Variants in YY1 observed in about 807,000 individuals in gnomAD.
YY1 encodes the protein transcriptional repressor protein YY1.
YY1 carries 2 observed loss-of-function variants against 35.6 expected under a neutral mutation model. That is an observed-to-expected ratio of 0.06 (90% CI 0.02 to 0.18). The LOEUF is 0.18. YY1 is among the 10% of genes least tolerant of loss of function. YY1 has a pLI of 1.00. For missense variants in YY1, 322 were observed against 573.4 expected (o/e 0.56, Z 4.48); for synonymous variants, 268 against 238.9 (o/e 1.12, Z -1.12).
intron 1 of YY1, among the ~76,000 whole-genome samples, chr14:100,251,837 A>G (rs922273325): frequency 6.6e-6 from 1 of 151,308 alleles, no homozygotes; most frequent in Non-Finnish European, 1.5e-5. Flanking sequence ...TTTGTTGCTC[A>G]GGCTGGTCTC....
chr14:100,259,978 A>G (rs1891057748), intron 1 of YY1, among the ~76,000 whole-genome samples: 1 of 152,194 alleles, frequency 6.6e-6, no homozygotes, highest in African/African-American at 2.4e-5. Flanking sequence ...ACTAGAGAAA[A>G]TAATTGTGAA....
At chr14:100,259,812 TAGA>T (rs975024685) in intron 1 of YY1, among the ~76,000 whole-genome samples, 2 of 151,898 alleles carry the variant, frequency 1.3e-5, no homozygotes, top group African/African-American at 4.8e-5. Flanking sequence ...AAAGGAGAAA[TAGA>T]AGGTAAGACC....
At chr14:100,264,739 G>T (rs1340699633) in intron 2 of YY1, among the ~76,000 whole-genome samples, 10 of 152,168 alleles carry the variant, frequency 6.6e-5, no homozygotes, top group African/African-American at 2.4e-4. Flanking sequence ...AAATGAGAGA[G>T]GTCAGTTGAA....
Position 100,239,660 on chromosome 14 carries a change from C to CCGG in YY1, c.422_424dup (p.Gly141dup), listed in dbSNP as rs1566765873. 2.5e-6 allele frequency: 4 copies of CCGG among 1,609,480 alleles called. No individual in the cohort carries two copies. Among genetic ancestry groups the CCGG allele is most frequent in the Admixed American group, 3.3e-5 (2 of 59,972 alleles). ...ATTCTCATCCCGGTGCCCGCGCCGG[C>CCGG]CGGCGGCGACGACGACTACATTGAA... is the stretch of plus-strand genomic sequence containing the variant. On this transcript the variant is annotated inframe_insertion, in exon 1 of 5. Transcript: ENST00000262238.
chr14:100,270,649 G>C (rs948778152), intron 2 of YY1, among the ~76,000 whole-genome samples: 1 of 150,582 alleles, frequency 6.6e-6, no homozygotes, highest in African/African-American at 2.5e-5. Flanking sequence ...GAAAATGTAT[G>C]AGAGAGGACC....
chr14:100,250,363 T>C (rs1425070140), intron 1 of YY1, among the ~76,000 whole-genome samples: 2 of 152,172 alleles, frequency 1.3e-5, no homozygotes, highest in Non-Finnish European at 2.9e-5. Flanking sequence ...GGTGACTCTT[T>C]TTTGTCTTTT....
intron 1 of YY1, among the ~76,000 whole-genome samples, chr14:100,240,130 C>T (rs1433786793): frequency 2.1e-5 from 3 of 145,934 alleles, no homozygotes; most frequent in East Asian, 2.0e-4. Flanking sequence ...GGGGAGGGGC[C>T]GGCGCCGCCC....
At chr14:100,250,420 A>G (rs1470830583) in intron 1 of YY1, among the ~76,000 whole-genome samples, 1 of 152,138 alleles carries the variant, frequency 6.6e-6, no homozygotes, top group East Asian at 1.9e-4. Context: ...GGTGTGGAGA[A>G]ACAAAATCTA....
In YY1 at chr14:100,280,704, C is replaced by T. The variant is rs1417520848; in HGVS notation, c.*3104C>T. On this transcript the variant is annotated 3_prime_UTR_variant, in exon 5 of 5. Coordinates refer to ENST00000262238, the MANE Select transcript of YY1 (RefSeq NM_003403.5). ...CAGGATAGTGTGCGCAATACCTGTCCGTGTTTCCAAGCAGAGTTCAAGTTC... is the reference window on the plus strand; with the variant it reads ...CAGGATAGTGTGCGCAATACCTGTCTGTGTTTCCAAGCAGAGTTCAAGTTC... 6.6e-6 allele frequency: 1 copy of T among 152,034 alleles called. No homozygotes were observed. The highest frequency in any genetic ancestry group is 1.5e-5 in the Non-Finnish European group (1 of 68,032). 9.4% of individuals were successfully genotyped at this position (152,034 alleles called of 1,614,324 possible).
At chr14:100,267,248 A>C (rs1891168434) in intron 2 of YY1, among the ~76,000 whole-genome samples, 1 of 152,146 alleles carries the variant, frequency 6.6e-6, no homozygotes, top group Admixed American at 6.6e-5. Context: ...CTTTGACCTG[A>C]CTCTGGGAAG....
chr14:100,241,235 A>G (rs1296332951), intron 1 of YY1, among the ~76,000 whole-genome samples: 1 of 152,252 alleles, frequency 6.6e-6, no homozygotes, highest in African/African-American at 2.4e-5. Flanking sequence ...AGTACTCCAT[A>G]TAAGCGGTGG....
At chr14:100,249,760 G>GTTTTTTTTTTTTTTT (rs34925666) in intron 1 of YY1, among the ~76,000 whole-genome samples, 4 of 143,012 alleles carry the variant, frequency 2.8e-5, no homozygotes, top group Non-Finnish European at 3.0e-5. Flanking sequence ...TTTTTTTTTT[G>GTTTTTTTTTTTTTTT]TTTGTTTTTG....
chr14:100,273,038 G>A (rs1891268419), intron 2 of YY1, among the ~76,000 whole-genome samples: 1 of 146,350 alleles, frequency 6.8e-6, no homozygotes, highest in Non-Finnish European at 1.5e-5. Context: ...CCCGGCTCAC[G>A]GCAACCTCCG....
At chr14:100,260,448 C>T (rs867208367) in intron 1 of YY1, among the ~76,000 whole-genome samples, 122 of 134,824 alleles carry the variant, frequency 9.0e-4, no homozygotes, top group East Asian at 1.5e-3. Flanking sequence ...TATATATATA[C>T]ACACACACAC....
rs1891411738 is a variant in YY1, at chr14:100,280,914, C to T, written c.*3314C>T. On this transcript the variant is annotated 3_prime_UTR_variant, in exon 5 of 5. Coordinates refer to ENST00000262238, the MANE Select transcript of YY1 (RefSeq NM_003403.5). ...TTTGTGGCACAGGAAAACCTGGCCC[C>T]CTAAAAAGAAGTTTTGGAATTGGAA... The T allele has an allele frequency of 6.6e-6, 1 of 152,028 alleles. No individual in the cohort carries two copies. Among genetic ancestry groups the T allele is most frequent in the East Asian group, 1.9e-4 (1 of 5,172 alleles). 9.4% of individuals were successfully genotyped at this position (152,028 alleles called of 1,614,324 possible).
intron 2 of YY1, among the ~76,000 whole-genome samples, chr14:100,269,754 C>A (rs1477375638): frequency 6.6e-6 from 1 of 152,166 alleles, no homozygotes; most frequent in Non-Finnish European, 1.5e-5. Flanking sequence ...CTTCCACTTA[C>A]TCCTTAAGTC....
intron 1 of YY1, among the ~76,000 whole-genome samples, chr14:100,260,116 G>C (rs1891059425): frequency 6.6e-6 from 1 of 152,088 alleles, no homozygotes; most frequent in Non-Finnish European, 1.5e-5. Context: ...ACGGGGTCTT[G>C]CTCTGTTGCC....
At chr14:100,272,324 A>G (rs1595332671) in intron 2 of YY1, among the ~76,000 whole-genome samples, 1 of 151,920 alleles carries the variant, frequency 6.6e-6, no homozygotes, top group East Asian at 1.9e-4. Context: ...GAAAAGGAAA[A>G]GAGAAAATGT....
chr14:100,244,128 G>A (rs1048758470), intron 1 of YY1, among the ~76,000 whole-genome samples: 3 of 151,072 alleles, frequency 2.0e-5, no homozygotes, highest in Non-Finnish European at 4.4e-5. Flanking sequence ...AAAAAAATTA[G>A]TGGGAGTCAT....
Sources: allele counts gnomAD v4.1 joint callset (sites outside exome capture counted in the v4.1 genomes callset), GRCh38; gene constraint gnomAD v4.1.1; transcripts MANE v1.5; gene names NCBI Gene and HGNC (gene_info 2026-07-23, HGNC 2026-07-21).